Variants in ERBB4 observed in about 807,000 individuals in gnomAD.
ERBB4 encodes the protein erb-b2 receptor tyrosine kinase 4.
ERBB4 carries 42 observed loss-of-function variants against 158.0 expected under a neutral mutation model. The observed-to-expected ratio is 0.27, with a 90% CI of 0.21 to 0.34. ERBB4 has a LOEUF of 0.34. Among genes scored for constraint, ERBB4 ranks in the 10% least tolerant of loss-of-function variants. ERBB4 has a pLI of 1.00. For missense variants in ERBB4, 1,333 were observed against 1,624.1 expected (o/e 0.82, Z 3.08); for synonymous variants, 583 against 558.7 (o/e 1.04, Z -0.61).
At chr2:211,607,263 G>A in intron 19 of ERBB4, among the ~76,000 whole-genome samples, 1 of 152,062 alleles carries the variant, frequency 6.6e-6, no homozygotes, top group East Asian at 1.9e-4. Context: ...TTTTCCCCAA[G>A]TTAACTTTCT....
intron 5 of ERBB4, among the ~76,000 whole-genome samples, chr2:211,730,703 C>A (rs1441449857): frequency 6.6e-6 from 1 of 151,998 alleles, no homozygotes; most frequent in African/African-American, 2.4e-5. Context: ...CATCTACATA[C>A]CCCATATTGA....
intron 21 of ERBB4, among the ~76,000 whole-genome samples, chr2:211,430,245 G>C: frequency 6.6e-6 from 1 of 152,068 alleles, no homozygotes; most frequent in African/African-American, 2.4e-5. Flanking sequence ...GATTGCATTT[G>C]CTTATTTCAT....
chr2:212,316,546 G>C (rs2087288179), intron 1 of ERBB4, among the ~76,000 whole-genome samples: 1 of 151,398 alleles, frequency 6.6e-6, no homozygotes, highest in Non-Finnish European at 1.5e-5. Flanking sequence ...ATTTACTTTG[G>C]AACCCCAAAT....
At chr2:212,034,239 T>C (rs1250711311) in intron 2 of ERBB4, among the ~76,000 whole-genome samples, 1 of 152,004 alleles carries the variant, frequency 6.6e-6, no homozygotes, top group Non-Finnish European at 1.5e-5. Flanking sequence ...ATATCAATTA[T>C]GCATTTTCCC....
intron 3 of ERBB4, among the ~76,000 whole-genome samples, chr2:211,832,217 C>T (rs1420112741): frequency 6.6e-6 from 1 of 151,954 alleles, no homozygotes; most frequent in African/African-American, 2.4e-5. Flanking sequence ...ATAGCATCTC[C>T]ACAGACTTGA....
At chr2:212,104,375 G>A (rs1327558579) in intron 2 of ERBB4, among the ~76,000 whole-genome samples, 2 of 151,896 alleles carry the variant, frequency 1.3e-5, no homozygotes, top group African/African-American at 4.8e-5. Flanking sequence ...AAGCAATACA[G>A]TTTATCTGTA....
chr2:211,392,558 C>CCGCACACACA lies in ERBB4; in HGVS notation c.3136-4567_3136-4566insTGTGTGTGCG, dbSNP rs767854845. ...ACTTTTTTGAAAAAACTCTCTTACT[C>CCGCACACACA]CACACACACACACACACACACACAC... On this transcript the variant is annotated intron_variant, in intron 25 of 27. Transcript: ENST00000342788. 2.2e-4 allele frequency among the ~76,000 whole-genome samples: 31 copies of CCGCACACACA among 141,012 alleles called. No homozygotes were observed. In the East Asian group the frequency reaches 2.9e-3, roughly 13 times the overall value. 92.5% of individuals were successfully genotyped at this position (141,012 alleles called of 152,430 possible).
At chr2:211,524,432 G>GT (rs1553558509) in intron 20 of ERBB4, among the ~76,000 whole-genome samples, 2 of 150,122 alleles carry the variant, frequency 1.3e-5, no homozygotes, top group African/African-American at 5.1e-5. Context: ...GCAGGGGGTG[G>GT]TGCTCGTCGG....
intron 24 of ERBB4, among the ~76,000 whole-genome samples, chr2:211,421,437 G>GTCTA (rs1292083293): frequency 1.3e-5 from 2 of 151,618 alleles, no homozygotes; most frequent in African/African-American, 4.8e-5. Flanking sequence ...AATTATCCAA[G>GTCTA]TCTATCTATT....
intron 3 of ERBB4, among the ~76,000 whole-genome samples, chr2:211,924,516 T>C (rs1359349264): frequency 3.3e-5 from 5 of 152,110 alleles, no homozygotes; most frequent in Admixed American, 2.6e-4. Flanking sequence ...ATTTGAATAA[T>C]CTGTATAATA....
chr2:211,920,835 C>T, intron 3 of ERBB4, among the ~76,000 whole-genome samples: 1 of 151,136 alleles, frequency 6.6e-6, no homozygotes, highest in Non-Finnish European at 1.5e-5. Flanking sequence ...ATTAGAGAGT[C>T]TTGTTTATTA....
intron 19 of ERBB4, among the ~76,000 whole-genome samples, chr2:211,569,379 A>AAAAAT (rs1559305098): frequency 2.0e-5 from 3 of 152,198 alleles, no homozygotes; most frequent in African/African-American, 7.2e-5. Flanking sequence ...AGAACTTGCT[A>AAAAAT]GGTGCCTAGC....
intron 19 of ERBB4, among the ~76,000 whole-genome samples, chr2:211,600,819 C>T (rs187787696): frequency 1.4e-4 from 22 of 152,142 alleles, no homozygotes; most frequent in Non-Finnish European, 2.9e-4. Flanking sequence ...TTGGAATCAT[C>T]TGTAAAAATG....
intron 3 of ERBB4, among the ~76,000 whole-genome samples, chr2:211,861,083 A>T (rs2078016968): frequency 2.2e-5 from 1 of 45,334 alleles, no homozygotes; most frequent in African/African-American, 9.7e-5. Context: ...TTTATATATT[A>T]TAAAATATAT....
intron 19 of ERBB4, among the ~76,000 whole-genome samples, chr2:211,565,279 T>C (rs958477354): frequency 2.2e-5 from 3 of 135,904 alleles, no homozygotes; most frequent in African/African-American, 1.0e-4. Context: ...TCAGAAATCA[T>C]ATAGCTGTGG....
chr2:212,118,953 A>C (rs537327823), intron 2 of ERBB4, among the ~76,000 whole-genome samples: 1 of 152,160 alleles, frequency 6.6e-6, no homozygotes, highest in East Asian at 1.9e-4. Flanking sequence ...TATCAATAAT[A>C]GAGTATTAAT....
At chr2:211,664,327 A>ATGTGTGTGTGTGTG (rs113835907) in intron 15 of ERBB4, among the ~76,000 whole-genome samples, 36 of 148,948 alleles carry the variant, frequency 2.4e-4, no homozygotes, top group African/African-American at 8.4e-4. Context: ...TCAACTACAA[A>ATGTGTGTGTGTGTG]TGTGTGTGTG....
intron 2 of ERBB4, among the ~76,000 whole-genome samples, chr2:211,948,679 A>T (rs1315506351): frequency 7.0e-6 from 1 of 143,364 alleles, no homozygotes. Flanking sequence ...TAAAAATGAT[A>T]AAAAAAATAC....
chr2:212,362,787 T>C (rs963144829), intron 1 of ERBB4, among the ~76,000 whole-genome samples: 9 of 151,250 alleles, frequency 6.0e-5, no homozygotes, highest in African/African-American at 1.9e-4. Flanking sequence ...AAAACACATA[T>C]ACAATTGTAT....
Sources: allele counts gnomAD v4.1 joint callset (sites outside exome capture counted in the v4.1 genomes callset), GRCh38; gene constraint gnomAD v4.1.1; transcripts MANE v1.5; gene names NCBI Gene and HGNC (gene_info 2026-07-23, HGNC 2026-07-21).